RECQL: variants seen among roughly 807,000 people sequenced by gnomAD.
The protein encoded by RECQL is ATP-dependent DNA helicase Q1.
RECQL carries 73 observed loss-of-function variants against 75.8 expected under a neutral mutation model. That is an observed-to-expected ratio of 0.96 (90% CI 0.80 to 1.17). The LOEUF (loss-of-function observed/expected upper bound fraction) is 1.17, where lower values mean the gene tolerates loss of function less well. Among genes scored for constraint, RECQL ranks in the 50% most tolerant of loss-of-function variants. The pLI is 0.00. For missense variants in RECQL, 699 were observed against 772.1 expected (o/e 0.91, Z 1.12); for synonymous variants, 248 against 254.4 (o/e 0.97, Z 0.24).
At chr12:21,493,967 G>A (rs750260303) in intron 2 of RECQL, among the ~76,000 whole-genome samples, 1 of 152,198 alleles carries the variant, frequency 6.6e-6, no homozygotes, top group Non-Finnish European at 1.5e-5. Context: ...AGGCGTATCC[G>A]AGGCTGGGTA....
chr12:21,492,590 G>A (rs764524917), intron 2 of RECQL, among the ~76,000 whole-genome samples: 2 of 152,198 alleles, frequency 1.3e-5, no homozygotes, highest in Non-Finnish European at 2.9e-5. Flanking sequence ...TTTGGGTTAG[G>A]TTTGGCCACA....
Position 21,469,686 on chromosome 12 carries a change from A to ATTT in RECQL, c.*505_*507dup, listed in dbSNP as rs201322313. ...CTTAAAACATGAGATTTTTCTTGCAATTTTTTTTTTAAGCTCATCAGCTAT... is the reference window on the plus strand; with the variant it reads ...CTTAAAACATGAGATTTTTCTTGCAATTTTTTTTTTTTTAAGCTCATCAGCTAT... On this transcript the variant is annotated 3_prime_UTR_variant, in exon 15 of 15. Coordinates refer to ENST00000444129, the MANE Select transcript of RECQL (RefSeq NM_002907.4). The ATTT allele has an allele frequency of 1.4e-5, 2 of 139,268 alleles. No individual in the cohort carries two copies. The highest frequency in any genetic ancestry group is 5.3e-5 in the African/African-American group (2 of 37,524). The allele number at this position is 139,268 out of a possible 1,614,324, so 8.6% of individuals were successfully genotyped here.
rs760544315 is a variant in RECQL, at chr12:21,491,598, T to C, written c.135A>G (p.Lys45=). Reference sequence around the variant, plus strand: ...CAGAATCCTCTAAACACTGCTTTATTTTCTTTGTCAGGACTTTTTTTTTCT... The same window carrying C: ...CAGAATCCTCTAAACACTGCTTTATCTTCTTTGTCAGGACTTTTTTTTTCT... ...LIQKKKVLTK[K]IKQCLEDSDA... The change falls in exon 3 of 15, where the codon AAA becomes AAG. Residue 45 remains lysine, a synonymous_variant. Coordinates refer to ENST00000444129, the MANE Select transcript of RECQL (RefSeq NM_002907.4). 66 of 1,613,798 alleles carry C rather than the reference T, an allele frequency of 4.1e-5. No homozygotes were observed. Among genetic ancestry groups the C allele is most frequent in the South Asian group, 7.7e-5 (7 of 91,068 alleles).
chr12:21,486,682 TTTTTTA>T, intron 4 of RECQL, 97 bp from the exon 5 acceptor site: 1 of 1,050,242 alleles, frequency 9.5e-7, no homozygotes, highest in South Asian at 1.6e-5. Context: ...TTTTTTTTTT[TTTTTTA>T]GAGATGGAGT....
At chr12:21,500,622 T>G (rs1052038545) in intron 1 of RECQL, among the ~76,000 whole-genome samples, 29 of 152,346 alleles carry the variant, frequency 1.9e-4, no homozygotes, top group African/African-American at 6.7e-4. Flanking sequence ...ATTCTTGATC[T>G]ATACAAACAT....
rs574312447 is a variant in RECQL, at chr12:21,494,010, T to C, written c.17-2294A>G. ...AAAGAAAAGAAGTTTATTTTGCTTA[T>C]GGTTCTGTAGGCTATACAAGGAGCA... On this transcript the variant is annotated intron_variant, in intron 2 of 14. Transcript: ENST00000444129. 3.3e-5 allele frequency among the ~76,000 whole-genome samples: 5 copies of C among 152,364 alleles called. No individual in the cohort carries two copies. The East Asian group carries it at 7.7e-4, about 24-fold the overall frequency.
At chr12:21,476,130 G>A (rs1189233302) in intron 8 of RECQL, among the ~76,000 whole-genome samples, 2 of 151,996 alleles carry the variant, frequency 1.3e-5, no homozygotes, top group South Asian at 2.1e-4. Context: ...GCTAACAAAT[G>A]TGCTATGAAT....
At position 21,476,999 on chromosome 12, in the gene RECQL, A is replaced by C. The variant is rs764840199; in HGVS notation, c.868-7T>G. On this transcript the variant is annotated splice_region_variant and splice_polypyrimidine_tract_variant and intron_variant, in intron 7 of 14. Transcript: ENST00000444129. ...TTGAGGGCTTCTGCCGAACCTAAAA[A>C]AAACTTAACTTATTAAAAAGTAAAT... 1 of 1,599,880 alleles carries C rather than the reference A, an allele frequency of 6.3e-7. No homozygotes were observed. Among genetic ancestry groups the C allele is most frequent in the South Asian group, 1.1e-5 (1 of 88,348 alleles).
rs564516242 is a variant in RECQL, at chr12:21,491,681, G to A, written c.52C>T (p.Leu18=). 122 of 1,613,358 alleles carry A rather than the reference G, an allele frequency of 7.6e-5. 2 individuals are homozygous for A. The South Asian group carries it at 1.3e-3, about 17-fold the overall frequency. The change falls in exon 3 of 15, where the codon CTA becomes TTA. Residue 18 remains leucine, a synonymous_variant. Transcript: ENST00000444129. ...TGAATTTGAATTTCTACTGCATGTA[G>A]CTCACTGGTTATAGAATCCAGTTCC... The part of the protein sequence containing the change: ...TEELDSITSE[L]HAVEIQIQEL...
chr12:21,484,382 T>C (rs543910486), intron 5 of RECQL, among the ~76,000 whole-genome samples: 96 of 152,340 alleles, frequency 6.3e-4, no homozygotes, highest in African/African-American at 2.2e-3. Context: ...CATGAACTTG[T>C]AATTATCTGC....
chr12:21,483,763 G>A (rs1358725550), intron 5 of RECQL, among the ~76,000 whole-genome samples, 189 bp from the exon 6 acceptor site: 1 of 151,962 alleles, frequency 6.6e-6, no homozygotes, highest in Non-Finnish European at 1.5e-5. Flanking sequence ...TGTGTAAATA[G>A]CATTCTAGTT....
At chr12:21,480,844 G>C (rs1943179463) in intron 6 of RECQL, among the ~76,000 whole-genome samples, 2 of 152,222 alleles carry the variant, frequency 1.3e-5, no homozygotes, top group Non-Finnish European at 2.9e-5. Context: ...AGGGAGCTCA[G>C]TTCCACAAGC....
intron 5 of RECQL, among the ~76,000 whole-genome samples, chr12:21,485,761 TA>T (rs1399869859): frequency 3.3e-5 from 5 of 151,076 alleles, no homozygotes; most frequent in South Asian, 2.1e-4. Context: ...GTATACAGAT[TA>T]AAAAAAAAGA....
At chr12:21,496,775 T>C (rs1020493540) in intron 2 of RECQL, among the ~76,000 whole-genome samples, 5 of 152,224 alleles carry the variant, frequency 3.3e-5, no homozygotes, top group African/African-American at 1.2e-4. Flanking sequence ...CAGAGCCTAA[T>C]GGACTACTTG....
At chr12:21,485,540 AT>A (rs929829784) in intron 5 of RECQL, among the ~76,000 whole-genome samples, 33 of 151,470 alleles carry the variant, frequency 2.2e-4, no homozygotes, top group Non-Finnish European at 3.4e-4. Flanking sequence ...TCTGGGCTAT[AT>A]TTTTTTTTAA....
intron 6 of RECQL, among the ~76,000 whole-genome samples, chr12:21,480,808 T>G (rs183731921): frequency 6.6e-6 from 1 of 152,334 alleles, no homozygotes; most frequent in East Asian, 1.9e-4. Context: ...ACCCCACCTC[T>G]GCCTCTACCA....
At chr12:21,478,253 C>T (rs1375190194) in intron 6 of RECQL, among the ~76,000 whole-genome samples, 2 of 151,950 alleles carry the variant, frequency 1.3e-5, no homozygotes, top group Non-Finnish European at 2.9e-5. Flanking sequence ...TCAGACAAAC[C>T]CCTGCTACCA....
chr12:21,493,011 G>C (rs1022225785), intron 2 of RECQL, among the ~76,000 whole-genome samples: 7 of 152,178 alleles, frequency 4.6e-5, no homozygotes, highest in African/African-American at 9.7e-5. Flanking sequence ...AGGGATAGCT[G>C]CTTAACCAGC....
Position 21,471,428 on chromosome 12 carries a change from T to C in RECQL, c.1667A>G (p.Lys556Arg), listed in dbSNP as rs1262530086. ...IAHFLIQQYL[K>R]EDYSFTAYAT... ...GAATAATGAATGAGTTTGTACATAC[T>C]TAAGATACTGCTGTATTAGAAAGTG... is the stretch of plus-strand genomic sequence containing the variant. Residue 556 changes from lysine (K) to arginine (R), a missense_variant and splice_region_variant, in exon 13 of 15, where the codon AAA becomes AGA. By Grantham distance (26) the Lys-to-Arg change is conservative. Transcript: ENST00000444129. 2 of 1,609,368 alleles carry C rather than the reference T, an allele frequency of 1.2e-6. No individual in the cohort carries two copies.
Sources: allele counts gnomAD v4.1 joint callset (sites outside exome capture counted in the v4.1 genomes callset), GRCh38; gene constraint gnomAD v4.1.1; transcripts MANE v1.5; gene names NCBI Gene and HGNC (gene_info 2026-07-23, HGNC 2026-07-21).